Variants in RHBDD1 observed in about 807,000 individuals in gnomAD.
The protein encoded by RHBDD1 is rhomboid domain containing 1.
A neutral mutation model predicts 36.3 loss-of-function variants in RHBDD1; 38 were observed. The ratio of observed to expected loss-of-function variants is 1.05; its 90% confidence interval spans 0.81 to 1.37. RHBDD1 has a LOEUF of 1.37. RHBDD1 is among the 40% of genes most tolerant of loss of function. The pLI is 0.00. For synonymous variants in RHBDD1, 151 were observed against 136.5 expected, an observed-to-expected ratio of 1.11 and a Z score of -0.74; for missense variants, 393 against 377.6, an observed-to-expected ratio of 1.04 and a Z score of -0.34.
Position 226,874,004 on chromosome 2 carries a change from T to A in RHBDD1, c.566+6686T>A, listed in dbSNP as rs141159224. Among the ~76,000 whole-genome samples the A allele has an allele frequency of 2.4e-3, 370 of 152,192 alleles. 1 individual carries two copies. Among genetic ancestry groups the A allele is most frequent in the African/African-American group, 8.5e-3 (351 of 41,512 alleles). ...AGAAGGTGGAGGTGATTCAAGGTCG[T>A]CCTACATGGTGGCAGGTGTAAGAGA... On this transcript the variant is annotated intron_variant, in intron 5 of 8. Transcript: ENST00000392062.
intron 8 of RHBDD1, among the ~76,000 whole-genome samples, chr2:226,915,244 T>G (rs1350677290): frequency 1.3e-5 from 2 of 152,092 alleles, no homozygotes; most frequent in Non-Finnish European, 2.9e-5. Context: ...AGCATTTGAG[T>G]TGGACCTTCA....
intron 8 of RHBDD1, among the ~76,000 whole-genome samples, chr2:226,973,636 C>G (rs372266031): frequency 2.4e-4 from 36 of 152,290 alleles, no homozygotes; most frequent in African/African-American, 6.7e-4. Flanking sequence ...TTGTTTTCTT[C>G]CAGAGACAAA....
intron 8 of RHBDD1, among the ~76,000 whole-genome samples, chr2:226,944,471 T>G (rs1374077520): frequency 6.6e-6 from 1 of 152,160 alleles, no homozygotes; most frequent in East Asian, 1.9e-4. Context: ...ACTGGCAGAA[T>G]AATGAGACCG....
At chr2:226,979,622 C>T (rs572916615) in intron 8 of RHBDD1, among the ~76,000 whole-genome samples, 1 of 152,332 alleles carries the variant, frequency 6.6e-6, no homozygotes, top group East Asian at 1.9e-4. Flanking sequence ...CAAGAAGACT[C>T]AGCAGGCTGG....
At chr2:226,856,543 T>C (rs1222923965) in intron 3 of RHBDD1, among the ~76,000 whole-genome samples, 3 of 152,166 alleles carry the variant, frequency 2.0e-5, no homozygotes, top group Non-Finnish European at 2.9e-5. Flanking sequence ...CAGTAACAAG[T>C]GGAGCAAACA....
chr2:226,918,020 A>T (rs1481874909), intron 8 of RHBDD1, among the ~76,000 whole-genome samples: 2 of 152,038 alleles, frequency 1.3e-5, no homozygotes. Context: ...CAGCATGTAA[A>T]CTCATGCAAT....
intron 8 of RHBDD1, among the ~76,000 whole-genome samples, chr2:226,946,750 A>G (rs1019111360): frequency 1.3e-5 from 2 of 152,226 alleles, no homozygotes; most frequent in Non-Finnish European, 2.9e-5. Context: ...AGAAATGGAT[A>G]AATTCCTGGA....
At chr2:226,950,556 C>T (rs1389656386) in intron 8 of RHBDD1, among the ~76,000 whole-genome samples, 9 of 152,202 alleles carry the variant, frequency 5.9e-5, no homozygotes, top group Non-Finnish European at 1.0e-4. Flanking sequence ...AGAGGAAACT[C>T]CATGCTGTTT....
chr2:226,867,746 T>G, intron 5 of RHBDD1: 2 of 793,586 alleles, frequency 2.5e-6, no homozygotes, highest in Non-Finnish European at 3.0e-6. Flanking sequence ...TGAGATGGAG[T>G]CTCGCTCTGT....
At chr2:226,873,218 C>T (rs1944936481) in intron 5 of RHBDD1, among the ~76,000 whole-genome samples, 1 of 152,180 alleles carries the variant, frequency 6.6e-6, no homozygotes, top group Admixed American at 6.5e-5. Context: ...TAAAGACTGG[C>T]AGTGACTCAG....
At chr2:226,827,860 A>G in the RHBDD1 span, among the ~76,000 whole-genome samples, 1 of 152,232 alleles carries the variant, frequency 6.6e-6, no homozygotes, top group African/African-American at 2.4e-5. Context: ...GTGGATGGGT[A>G]GGGCCTGGGT....
intron 3 of RHBDD1, among the ~76,000 whole-genome samples, chr2:226,863,434 ATTAG>A (rs1167121474): frequency 1.1e-4 from 17 of 152,370 alleles, no homozygotes; most frequent in African/African-American, 3.6e-4. Context: ...TACCTTCTGT[ATTAG>A]TTAGTAGTTG....
chr2:226,825,930 G>A, the RHBDD1 span, among the ~76,000 whole-genome samples: 1 of 152,178 alleles, frequency 6.6e-6, no homozygotes, highest in South Asian at 2.1e-4. Flanking sequence ...CAGTTATCGG[G>A]TATCGAGAGT....
chr2:226,883,466 T>C (rs1252209978), intron 5 of RHBDD1, among the ~76,000 whole-genome samples: 1 of 152,184 alleles, frequency 6.6e-6, no homozygotes, highest in Non-Finnish European at 1.5e-5. Context: ...TTTTACCCAA[T>C]TGGCCTGCTC....
chr2:226,934,083 T>C (rs371730038), intron 8 of RHBDD1, among the ~76,000 whole-genome samples: 1 of 152,150 alleles, frequency 6.6e-6, no homozygotes, highest in Admixed American at 6.6e-5. Context: ...TCCAGTACTA[T>C]TTATAGTCAT....
chr2:226,843,503 C>T lies in RHBDD1; in HGVS notation c.-91+3876C>T, dbSNP rs190970059. On this transcript the variant is annotated intron_variant, in intron 3 of 8. Transcript: ENST00000392062. Reference sequence around the variant, plus strand: ...AAGGGATGTTGAATTTTATCGAAGGCCTTTTCTGCATCAGTTGAGATACTC... The same window carrying T: ...AAGGGATGTTGAATTTTATCGAAGGTCTTTTCTGCATCAGTTGAGATACTC... 1.3e-3 allele frequency among the ~76,000 whole-genome samples: 197 copies of T among 152,232 alleles called. 1 individual carries two copies. The highest frequency in any genetic ancestry group is 0.01 in the Admixed American group (153 of 15,296).
chr2:226,977,954 G>A, intron 8 of RHBDD1, among the ~76,000 whole-genome samples: 1 of 152,094 alleles, frequency 6.6e-6, no homozygotes, highest in East Asian at 1.9e-4. Context: ...AGGCTGTTTG[G>A]GCATGTTTTA....
At chr2:226,842,825 A>C (rs1244296352) in intron 3 of RHBDD1, among the ~76,000 whole-genome samples, 1 of 152,218 alleles carries the variant, frequency 6.6e-6, no homozygotes, top group Non-Finnish European at 1.5e-5. Context: ...TGTCAATGAA[A>C]GTTTAATGGG....
chr2:226,984,991 G>T (rs1956628469), intron 8 of RHBDD1, among the ~76,000 whole-genome samples: 1 of 151,192 alleles, frequency 6.6e-6, no homozygotes, highest in Non-Finnish European at 1.5e-5. Flanking sequence ...CAAGTGGGGG[G>T]TTTGAGTGAA....
Sources: allele counts gnomAD v4.1 joint callset (sites outside exome capture counted in the v4.1 genomes callset), GRCh38; gene constraint gnomAD v4.1.1; transcripts MANE v1.5; gene names NCBI Gene and HGNC (gene_info 2026-07-23, HGNC 2026-07-21).